Variants in MMP16 observed in about 807,000 individuals in gnomAD.
MMP16 encodes matrix metallopeptidase 16, also known as matrix metalloproteinase-16.
MMP16 carries 12 observed loss-of-function variants against 67.8 expected under a neutral mutation model. The observed-to-expected ratio is 0.18, with a 90% CI of 0.11 to 0.29. The LOEUF is 0.29. MMP16 is among the 10% of genes least tolerant of loss of function. The probability of loss-of-function intolerance (pLI) is 1.00; values close to 1 mark genes in which losing one functional copy is unlikely to be tolerated. For synonymous variants in MMP16, 249 were observed against 255.9 expected (o/e 0.97, Z 0.26); for missense variants, 475 against 765.7 (o/e 0.62, Z 4.48).
chr8:88,314,809 A>G (rs536840931), intron 1 of MMP16, among the ~76,000 whole-genome samples: 1 of 152,284 alleles, frequency 6.6e-6, no homozygotes, highest in African/African-American at 2.4e-5. Context: ...TGCATACTCA[A>G]GGGGAACCCT....
At chr8:88,243,933 G>A (rs1048882616) in intron 1 of MMP16, among the ~76,000 whole-genome samples, 1 of 151,874 alleles carries the variant, frequency 6.6e-6, no homozygotes, top group African/African-American at 2.4e-5. Flanking sequence ...TCAATGGAGA[G>A]GGAAGTATAA....
At chr8:88,272,315 TAA>T (rs1448012433) in intron 1 of MMP16, among the ~76,000 whole-genome samples, 2 of 152,156 alleles carry the variant, frequency 1.3e-5, no homozygotes, top group African/African-American at 4.8e-5. Context: ...TGAACAAGAA[TAA>T]AGTTATGTTA....
chr8:88,067,408 C>T (rs1808477556), intron 7 of MMP16, among the ~76,000 whole-genome samples: 1 of 152,012 alleles, frequency 6.6e-6, no homozygotes, highest in Non-Finnish European at 1.5e-5. Flanking sequence ...AACTTATGCA[C>T]TTAGTAAAGC....
intron 1 of MMP16, among the ~76,000 whole-genome samples, chr8:88,320,885 G>A (rs1334856998): frequency 6.6e-6 from 1 of 151,966 alleles, no homozygotes; most frequent in Non-Finnish European, 1.5e-5. Flanking sequence ...CCAAAACTAA[G>A]GATGCACAAT....
chr8:88,296,181 GAC>G (rs1811010964), intron 1 of MMP16, among the ~76,000 whole-genome samples: 1 of 152,012 alleles, frequency 6.6e-6, no homozygotes, highest in Admixed American at 6.6e-5. Context: ...CTAATTAACA[GAC>G]ACTATGCTGG....
intron 3 of MMP16, among the ~76,000 whole-genome samples, chr8:88,178,111 T>C (rs911871339): frequency 6.6e-6 from 1 of 152,142 alleles, no homozygotes; most frequent in Admixed American, 6.5e-5. Context: ...AAAGGCTTAT[T>C]ACCTCATTTC....
intron 1 of MMP16, among the ~76,000 whole-genome samples, chr8:88,242,820 A>C (rs28904604): frequency 0.017 from 2,588 of 152,302 alleles, 62 homozygotes; most frequent in African/African-American, 0.059. Flanking sequence ...CTTATCCTTC[A>C]GGCTGGTTAG....
At chr8:88,188,325 T>A (rs1809105735) in intron 2 of MMP16, among the ~76,000 whole-genome samples, 1 of 152,210 alleles carries the variant, frequency 6.6e-6, no homozygotes, top group Non-Finnish European at 1.5e-5. Flanking sequence ...TATCTTTACT[T>A]ATCTCATTGA....
Position 88,092,401 on chromosome 8 carries a change from A to G in MMP16, c.1084-17658T>C, listed in dbSNP as rs143995370. On this transcript the variant is annotated intron_variant, in intron 6 of 9. Transcript: ENST00000286614. ...GAAAAGATCCTTCGGAAACTACAGT[A>G]TCTTCCTTTCCACATATCTCAACTC... 1.7e-3 allele frequency among the ~76,000 whole-genome samples: 253 copies of G among 152,050 alleles called. 3 individuals carry two copies. The highest frequency in any genetic ancestry group is 0.015 in the East Asian group (78 of 5,142).
At chr8:88,138,644 C>G (rs1446099081) in intron 4 of MMP16, among the ~76,000 whole-genome samples, 1 of 152,036 alleles carries the variant, frequency 6.6e-6, no homozygotes, top group Non-Finnish European at 1.5e-5. Context: ...ATCTTGGCTT[C>G]TCTGTAAGAT....
rs566041428 is a variant in MMP16, at chr8:88,189,582, T to A, written c.282-2984A>T. Reference sequence around the variant, plus strand: ...ACATTTTCCCAAAGCAAAAGTGTGTTCTCTGCATGTTCTGAGCATGAAATG... The same window carrying A: ...ACATTTTCCCAAAGCAAAAGTGTGTACTCTGCATGTTCTGAGCATGAAATG... On this transcript the variant is annotated intron_variant, in intron 2 of 9. Transcript: ENST00000286614. 3.4e-3 allele frequency among the ~76,000 whole-genome samples: 519 copies of A among 152,342 alleles called. 2 individuals are homozygous for A. The highest frequency in any genetic ancestry group is 0.012 in the African/African-American group (493 of 41,578).
intron 7 of MMP16, 69 bp downstream of exon 7, chr8:88,074,536 G>T: frequency 2.9e-6 from 4 of 1,401,252 alleles, no homozygotes; most frequent in East Asian, 2.5e-5. Context: ...CATCACTTTT[G>T]TGTGCACCAC....
intron 5 of MMP16, among the ~76,000 whole-genome samples, chr8:88,117,255 T>C (rs1257861925): frequency 1.3e-5 from 2 of 152,166 alleles, no homozygotes; most frequent in African/African-American, 4.8e-5. Context: ...TTTTGACAAA[T>C]TGCTGGAAGA....
At chr8:88,177,903 T>C (rs1003128266) in intron 3 of MMP16, among the ~76,000 whole-genome samples, 4 of 151,866 alleles carry the variant, frequency 2.6e-5, no homozygotes, top group Non-Finnish European at 4.4e-5. Context: ...CTATATTATA[T>C]ATATGAGATA....
intron 1 of MMP16, among the ~76,000 whole-genome samples, chr8:88,205,573 C>T (rs1413652225): frequency 6.6e-6 from 1 of 152,114 alleles, no homozygotes; most frequent in Non-Finnish European, 1.5e-5. Context: ...AATTAATATT[C>T]TTATTTCTAT....
At chr8:88,066,129 T>G (rs1808460236) in intron 7 of MMP16, among the ~76,000 whole-genome samples, 1 of 152,166 alleles carries the variant, frequency 6.6e-6, no homozygotes, top group African/African-American at 2.4e-5. Context: ...GATTTTATTT[T>G]GACTGTTACT....
chr8:88,130,258 T>A (rs1586166163), intron 4 of MMP16, among the ~76,000 whole-genome samples: 1 of 151,820 alleles, frequency 6.6e-6, no homozygotes, highest in Non-Finnish European at 1.5e-5. Flanking sequence ...AGTAAAGTAG[T>A]GGACTTTAAA....
intron 4 of MMP16, among the ~76,000 whole-genome samples, chr8:88,157,059 T>C (rs868461517): frequency 6.6e-6 from 1 of 152,118 alleles, no homozygotes; most frequent in Non-Finnish European, 1.5e-5. Flanking sequence ...TGATTAGATG[T>C]GATCATAGTA....
intron 1 of MMP16, among the ~76,000 whole-genome samples, chr8:88,318,081 C>G (rs1037870124): frequency 6.6e-6 from 1 of 152,146 alleles, no homozygotes; most frequent in Non-Finnish European, 1.5e-5. Context: ...CAGTCAGTAG[C>G]TATAGACACA....
Sources: gnomAD v4.1 joint callset for allele counts (sites outside exome capture counted in the v4.1 genomes callset) on GRCh38, gnomAD v4.1.1 for gene constraint, MANE v1.5 for transcripts, NCBI Gene and HGNC (gene_info 2026-07-23, HGNC 2026-07-21) for gene names.